ZBTB8OS: variants seen among roughly 807,000 people sequenced by gnomAD.
ZBTB8OS encodes tRNA splicing ligase complex subunit 1.
Under a neutral mutation model 29.3 loss-of-function variants are expected in ZBTB8OS, and 16 were observed. That is an observed-to-expected ratio of 0.55 (90% confidence interval 0.37 to 0.83). The LOEUF (loss-of-function observed/expected upper bound fraction) is 0.83. Among genes scored for constraint, ZBTB8OS ranks in the 40% least tolerant of loss-of-function variants. The pLI, the probability that ZBTB8OS is intolerant of heterozygous loss-of-function variation, is 0.00. For missense variants in ZBTB8OS, 160 were observed against 196.9 expected (o/e 0.81, Z 1.12); for synonymous variants, 70 against 64.6 (o/e 1.08, Z -0.40).
chr1:32,627,628 G>T, intron 5 of ZBTB8OS, 84 bp from the exon 6 acceptor site: 2 of 1,344,910 alleles, frequency 1.5e-6, no homozygotes, highest in Non-Finnish European at 2.1e-6. Flanking sequence ...TGGTTAACAT[G>T]CTAGAAAGCC....
chr1:32,629,672 G>A (rs1447098552), intron 5 of ZBTB8OS, among the ~76,000 whole-genome samples: 1 of 151,632 alleles, frequency 6.6e-6, no homozygotes, highest in African/African-American at 2.4e-5. Flanking sequence ...AGATCACAAC[G>A]TGGTATAATA....
chr1:32,649,572 C>T (rs1222904097), intron 1 of ZBTB8OS, among the ~76,000 whole-genome samples: 1 of 151,662 alleles, frequency 6.6e-6, no homozygotes, highest in African/African-American at 2.4e-5. Flanking sequence ...CACTGCAGCG[C>T]GGGCTATGAT....
At chr1:32,633,560 A>G in intron 4 of ZBTB8OS, 85 bp downstream of exon 4, 1 of 1,009,610 alleles carries the variant, frequency 9.9e-7, no homozygotes, top group Non-Finnish European at 1.5e-6. Context: ...TTTGTTTCAC[A>G]TGTCCTATTT....
At chr1:32,641,635 C>T (rs1460503095) in intron 1 of ZBTB8OS, among the ~76,000 whole-genome samples, 2 of 144,150 alleles carry the variant, frequency 1.4e-5, no homozygotes, top group African/African-American at 2.5e-5. Context: ...TTATACAGGC[C>T]GGGCACGGTG....
At chr1:32,638,349 T>C (rs201523491) in intron 1 of ZBTB8OS, among the ~76,000 whole-genome samples, 1 of 148,830 alleles carries the variant, frequency 6.7e-6, no homozygotes, top group African/African-American at 2.5e-5. Flanking sequence ...TGCGCCACCA[T>C]GCCCAGCTAA....
chr1:32,634,551 A>G, intron 2 of ZBTB8OS: 1 of 579,204 alleles, frequency 1.7e-6, no homozygotes, highest in South Asian at 2.4e-5. Flanking sequence ...ATTTTTTGAG[A>G]TGGGGTCTCT....
intron 1 of ZBTB8OS, among the ~76,000 whole-genome samples, chr1:32,641,623 C>T (rs374608596): frequency 6.9e-6 from 1 of 144,732 alleles, no homozygotes; most frequent in East Asian, 2.3e-4. Flanking sequence ...CACAAAAGTA[C>T]TTTATACAGG....
chr1:32,632,211 AT>A (rs1645620182), intron 4 of ZBTB8OS: 1 of 164,148 alleles, frequency 6.1e-6, no homozygotes, highest in African/African-American at 2.4e-5. Flanking sequence ...GTTTCACCTT[AT>A]TGGTCAGACT....
chr1:32,648,963 C>CTTTT (rs34143853), intron 1 of ZBTB8OS, among the ~76,000 whole-genome samples: 8 of 58,740 alleles, frequency 1.4e-4, no homozygotes, highest in African/African-American at 3.2e-4. Flanking sequence ...AGCACCAGGC[C>CTTTT]TTTTTTTTTT....
intron 1 of ZBTB8OS, among the ~76,000 whole-genome samples, chr1:32,642,410 A>G (rs1165471053): frequency 1.3e-5 from 2 of 151,596 alleles, no homozygotes; most frequent in African/African-American, 4.8e-5. Flanking sequence ...AGGGTGAGGT[A>G]GGAGAATTGC....
intron 1 of ZBTB8OS, among the ~76,000 whole-genome samples, chr1:32,641,276 T>G (rs1030355255): frequency 6.9e-6 from 1 of 145,746 alleles, no homozygotes; most frequent in Admixed American, 6.9e-5. Flanking sequence ...TTTTTTTTTT[T>G]TTTTTTTTTT....
intron 1 of ZBTB8OS, among the ~76,000 whole-genome samples, chr1:32,636,184 G>A (rs1645938663): frequency 6.6e-6 from 1 of 152,068 alleles, no homozygotes; most frequent in Non-Finnish European, 1.5e-5. Context: ...CCAATCAGTA[G>A]TATCCACTTC....
intron 6 of ZBTB8OS, among the ~76,000 whole-genome samples, chr1:32,626,223 T>TA (rs754626102): frequency 1.6e-4 from 24 of 152,182 alleles, no homozygotes; most frequent in Non-Finnish European, 3.1e-4. Flanking sequence ...GAAATATAAA[T>TA]ACACAAATAT....
rs1646881038 is a variant in ZBTB8OS at position 32,646,909 on chromosome 1, G to A, written c.97+3524C>T. ...ACACAAAAATTAGCCGGGTGTGGTG[G>A]TGGGCACCTGTAATCCCAGCCATAC... On this transcript the variant is annotated intron_variant, in intron 1 of 6. Coordinates refer to ENST00000468695, the MANE Select transcript of ZBTB8OS (RefSeq NM_178547.5). 4.0e-5 allele frequency among the ~76,000 whole-genome samples: 6 copies of A among 150,338 alleles called. 1 individual carries two copies. The South Asian group carries it at 1.3e-3, about 32-fold the overall frequency.
chr1:32,631,995 T>TA (rs1645598973), intron 4 of ZBTB8OS, 116 bp from the exon 5 acceptor site: 1 of 213,620 alleles, frequency 4.7e-6, no homozygotes, highest in Non-Finnish European at 8.6e-6. Flanking sequence ...GTAAAACCTT[T>TA]TTTTTTTTTT....
Position 32,621,498 on chromosome 1 carries a change from T to C in ZBTB8OS, c.*364A>G, listed in dbSNP as rs1430135722. On this transcript the variant is annotated 3_prime_UTR_variant, in exon 7 of 7. Transcript: ENST00000468695. ...AATATATTTTTTCAAGTTATTCTTCTTTCAACCTGGATTCAGCCTCAGGCT... is the reference window on the plus strand; with the variant it reads ...AATATATTTTTTCAAGTTATTCTTCCTTCAACCTGGATTCAGCCTCAGGCT... 1 of 187,014 alleles carries C rather than the reference T, an allele frequency of 5.3e-6. No individual in the cohort carries two copies. Among genetic ancestry groups the C allele is most frequent in the Non-Finnish European group, 1.1e-5 (1 of 92,042 alleles). 11.6% of individuals were successfully genotyped at this position (187,014 alleles called of 1,614,324 possible).
At chr1:32,650,637 C>G, upstream of ZBTB8OS, 1 of 1,581,338 alleles carries the variant, frequency 6.3e-7, no homozygotes, top group Non-Finnish European at 8.6e-7. Context: ...CTTAAAGGAC[C>G]ACACTCCTTT....
chr1:32,640,397 G>A (rs549699114), intron 1 of ZBTB8OS, among the ~76,000 whole-genome samples: 13 of 151,784 alleles, frequency 8.6e-5, no homozygotes, highest in East Asian at 3.9e-4. Flanking sequence ...CCACCGCACC[G>A]GCCAAAACAT....
At chr1:32,645,809 C>T (rs1263433866) in intron 1 of ZBTB8OS, among the ~76,000 whole-genome samples, 2 of 152,058 alleles carry the variant, frequency 1.3e-5, no homozygotes, top group Admixed American at 6.6e-5. Context: ...GATTTTGTAC[C>T]ACCAGTACAA....
Sources: allele counts gnomAD v4.1 joint callset (sites outside exome capture counted in the v4.1 genomes callset), GRCh38; gene constraint gnomAD v4.1.1; transcripts MANE v1.5; gene names NCBI Gene and HGNC (gene_info 2026-07-23, HGNC 2026-07-21).